GPC5: variants seen among roughly 807,000 people sequenced by gnomAD.
GPC5 encodes glypican 5.
Under a neutral mutation model 53.9 loss-of-function variants are expected in GPC5, and 47 were observed. That is an observed-to-expected ratio of 0.87 (90% CI 0.69 to 1.11). The LOEUF is 1.11. GPC5 is among the 50% of genes most tolerant of loss of function. The probability of loss-of-function intolerance (pLI) is 0.00; values close to 1 mark genes in which losing one functional copy is unlikely to be tolerated. For missense variants in GPC5, 748 were observed against 713.1 expected, an observed-to-expected ratio of 1.05 and a Z score of -0.56; for synonymous variants, 286 against 263.3, an observed-to-expected ratio of 1.09 and a Z score of -0.84.
At chr13:92,335,789 T>C (rs2043318182) in intron 7 of GPC5, among the ~76,000 whole-genome samples, 1 of 152,154 alleles carries the variant, frequency 6.6e-6, no homozygotes, top group Non-Finnish European at 1.5e-5. Context: ...GTTCCTCATC[T>C]CCATCTGAGA....
intron 2 of GPC5, among the ~76,000 whole-genome samples, chr13:91,588,321 A>G (rs1351613927): frequency 6.6e-6 from 1 of 152,106 alleles, no homozygotes; most frequent in Non-Finnish European, 1.5e-5. Flanking sequence ...TACATGTAGG[A>G]ATTTCAGATT....
At chr13:91,763,780 G>C (rs560607663) in intron 5 of GPC5, among the ~76,000 whole-genome samples, 9 of 152,232 alleles carry the variant, frequency 5.9e-5, no homozygotes, top group African/African-American at 1.9e-4. Flanking sequence ...GTTATCTCAT[G>C]GTTTGGGTCT....
intron 2 of GPC5, among the ~76,000 whole-genome samples, chr13:91,512,965 G>T (rs907161008): frequency 1.3e-5 from 2 of 152,068 alleles, no homozygotes; most frequent in Non-Finnish European, 1.5e-5. Context: ...CCAGATACAG[G>T]TCTCATATTT....
At chr13:92,246,052 CA>C (rs35184424) in intron 7 of GPC5, among the ~76,000 whole-genome samples, 11,951 of 151,984 alleles carry the variant, frequency 0.079, 576 homozygotes, top group East Asian at 0.12. Flanking sequence ...TCGTATCACC[CA>C]TGATCACCTC....
At chr13:92,613,566 AT>A (rs1884566162) in intron 7 of GPC5, among the ~76,000 whole-genome samples, 7 of 122,814 alleles carry the variant, frequency 5.7e-5, no homozygotes, top group African/African-American at 1.3e-4. Flanking sequence ...ATACAATAAT[AT>A]ATATAATATA....
chr13:91,630,690 GT>G (rs2034134315), intron 2 of GPC5, among the ~76,000 whole-genome samples: 1 of 152,100 alleles, frequency 6.6e-6, no homozygotes, highest in South Asian at 2.1e-4. Context: ...CGGGCTGGCT[GT>G]TGTAAAATAG....
chr13:91,781,069 T>C (rs1037540909), intron 5 of GPC5, among the ~76,000 whole-genome samples: 17 of 152,200 alleles, frequency 1.1e-4, no homozygotes, highest in African/African-American at 4.1e-4. Context: ...CCTTTTCTTT[T>C]TCTCTCCAGC....
intron 5 of GPC5, among the ~76,000 whole-genome samples, chr13:91,765,524 G>A (rs2037505411): frequency 6.6e-6 from 1 of 152,344 alleles, no homozygotes; most frequent in African/African-American, 2.4e-5. Context: ...AGAGAAGACA[G>A]AAAACTAGTT....
At chr13:91,623,256 T>C (rs2033910175) in intron 2 of GPC5, among the ~76,000 whole-genome samples, 1 of 152,126 alleles carries the variant, frequency 6.6e-6, no homozygotes. Flanking sequence ...TTAAGCAAAA[T>C]ATGCGAGTTG....
At chr13:91,647,081 G>A (rs1325208844) in intron 2 of GPC5, among the ~76,000 whole-genome samples, 1 of 80,336 alleles carries the variant, frequency 1.2e-5, no homozygotes, top group African/African-American at 9.2e-5. Context: ...GTGTGTGTGT[G>A]TGTGTGTGTG....
At chr13:91,669,194 C>G (rs1310277919) in intron 2 of GPC5, among the ~76,000 whole-genome samples, 1 of 152,034 alleles carries the variant, frequency 6.6e-6, no homozygotes, top group African/African-American at 2.4e-5. Context: ...CTGTGCCCCC[C>G]CGACATTAAC....
chr13:91,625,544 T>C (rs901631830), intron 2 of GPC5, among the ~76,000 whole-genome samples: 26 of 151,888 alleles, frequency 1.7e-4, no homozygotes, highest in Admixed American at 1.4e-3. Context: ...AGAAGGGAGA[T>C]GGGTAGAGAA....
In GPC5 at chr13:92,231,881, G is replaced by T. The variant is rs7981749; in HGVS notation, c.1561+86892G>T. 3.3e-3 allele frequency among the ~76,000 whole-genome samples: 508 copies of T among 152,228 alleles called. 4 individuals are homozygous for T. Among genetic ancestry groups the T allele is most frequent in the African/African-American group, 0.012 (484 of 41,526 alleles). On this transcript the variant is annotated intron_variant, in intron 7 of 7. Coordinates refer to ENST00000377067, the MANE Select transcript of GPC5 (RefSeq NM_004466.6). ...CTCGGGAGGCTGAGGCAGGAGAATC[G>T]CTTGAAACCGGAAGGTGGAGGTTGC...
chr13:92,013,412 C>A (rs2138778710), intron 6 of GPC5, among the ~76,000 whole-genome samples: 1 of 152,280 alleles, frequency 6.6e-6, no homozygotes, highest in East Asian at 1.9e-4. Flanking sequence ...AGTTGCCTCT[C>A]TCCAGTCAAG....
chr13:92,550,550 A>G (rs1882276444), intron 7 of GPC5, among the ~76,000 whole-genome samples: 2 of 151,864 alleles, frequency 1.3e-5, no homozygotes, highest in South Asian at 2.1e-4. Flanking sequence ...AAGTAAAGAA[A>G]TATGTGTCAA....
In GPC5 at chr13:92,527,184, AG is replaced by A. The variant is rs1309229258; in HGVS notation, c.1562-339097del. The stretch of plus-strand genomic sequence containing the variant: ...AGAAAGAAAGAAAGAGAAAGAAAGA[AG>A]AAAGAAAGAAAGAAAGAAAGAAAGA... On this transcript the variant is annotated intron_variant, in intron 7 of 7. Transcript: ENST00000377067. Among the ~76,000 whole-genome samples, 82 of 14,354 alleles carry A rather than the reference AG, an allele frequency of 5.7e-3. 4 individuals are homozygous for A. Among genetic ancestry groups the A allele is most frequent in the Middle Eastern group, 0.042 (1 of 24 alleles). 9.4% of individuals were successfully genotyped at this position (14,354 alleles called of 152,430 possible).
intron 6 of GPC5, among the ~76,000 whole-genome samples, chr13:92,005,437 G>A (rs1594719099): frequency 6.6e-6 from 1 of 152,056 alleles, no homozygotes; most frequent in African/African-American, 2.4e-5. Context: ...AGGGCCCTCA[G>A]CTTCAGGTCC....
At chr13:92,174,057 G>A (rs914562083) in intron 7 of GPC5, among the ~76,000 whole-genome samples, 11 of 152,020 alleles carry the variant, frequency 7.2e-5, no homozygotes, top group African/African-American at 2.7e-4. Flanking sequence ...GTGAGCCAAG[G>A]TGAAACCACT....
chr13:92,754,599 G>A (rs1398775193), intron 7 of GPC5, among the ~76,000 whole-genome samples: 2 of 151,260 alleles, frequency 1.3e-5, no homozygotes, highest in Non-Finnish European at 2.9e-5. Flanking sequence ...CACGTGCAGA[G>A]ACACACATAG....
Sources: gnomAD v4.1 joint callset for allele counts (sites outside exome capture counted in the v4.1 genomes callset) on GRCh38, gnomAD v4.1.1 for gene constraint, MANE v1.5 for transcripts, NCBI Gene and HGNC (gene_info 2026-07-23, HGNC 2026-07-21) for gene names.